COMMD1: variants seen among roughly 807,000 people sequenced by gnomAD.
The protein encoded by COMMD1 is COMM domain-containing protein 1.
Under a neutral mutation model 17.2 loss-of-function variants are expected in COMMD1, and 10 were observed. That is an observed-to-expected ratio of 0.58 (90% confidence interval 0.36 to 0.99). COMMD1 has a LOEUF of 0.99. Among genes scored for constraint, COMMD1 ranks in the 50% least tolerant of loss-of-function variants. The probability of loss-of-function intolerance (pLI) is 0.01; values close to 1 mark genes in which losing one functional copy is unlikely to be tolerated. For synonymous variants in COMMD1, 97 were observed against 91.6 expected, an observed-to-expected ratio of 1.06 and a Z score of -0.34; for missense variants, 270 against 231.8, an observed-to-expected ratio of 1.17 and a Z score of -1.07.
chr2:61,954,398 C>T (rs367644296), intron 1 of COMMD1, among the ~76,000 whole-genome samples: 43 of 152,144 alleles, frequency 2.8e-4, no homozygotes, highest in African/African-American at 9.9e-4. Context: ...TTACATTTTG[C>T]ATTTTTCCCT....
intron 1 of COMMD1, among the ~76,000 whole-genome samples, chr2:61,891,398 A>G (rs1669426749): frequency 6.6e-6 from 1 of 152,218 alleles, no homozygotes; most frequent in Non-Finnish European, 1.5e-5. Flanking sequence ...CAGAGTGTTA[A>G]TGTACATTAT....
intron 1 of COMMD1, among the ~76,000 whole-genome samples, chr2:61,915,185 T>G (rs1038207360): frequency 2.6e-5 from 4 of 152,060 alleles, no homozygotes; most frequent in African/African-American, 9.7e-5. Context: ...TTTGTATTTT[T>G]AGTAGAGATG....
intron 2 of COMMD1, among the ~76,000 whole-genome samples, chr2:62,004,598 G>A (rs989249518): frequency 1.7e-4 from 26 of 152,022 alleles, no homozygotes; most frequent in Admixed American, 1.6e-3. Flanking sequence ...CACCGCGCCC[G>A]GCCTATAAAA....
At chr2:61,898,276 G>C (rs1669592209) in intron 1 of COMMD1, among the ~76,000 whole-genome samples, 1 of 152,148 alleles carries the variant, frequency 6.6e-6, no homozygotes, top group African/African-American at 2.4e-5. Context: ...AGGAGGTGGA[G>C]ACCAGACTGG....
At chr2:61,990,973 C>T (rs190305380) in intron 1 of COMMD1, among the ~76,000 whole-genome samples, 260 of 149,744 alleles carry the variant, frequency 1.7e-3, no homozygotes, top group African/African-American at 5.4e-3. Flanking sequence ...TGCTTGTAGT[C>T]CCAGCTACTC....
At chr2:61,964,341 C>G (rs1464195986) in intron 1 of COMMD1, among the ~76,000 whole-genome samples, 2 of 152,108 alleles carry the variant, frequency 1.3e-5, no homozygotes, top group African/African-American at 4.8e-5. Context: ...CCATCTCATA[C>G]TCTCTAGTAA....
In COMMD1 at chr2:62,070,563, A is replaced by AC. The variant is rs11450265; in HGVS notation, c.463-65268_463-65267insC. Among the ~76,000 whole-genome samples the AC allele has an allele frequency of 4.0e-5, 6 of 151,480 alleles. No homozygotes were observed. In the East Asian group the frequency reaches 7.7e-4, roughly 20 times the overall value. On this transcript the variant is annotated intron_variant, in intron 2 of 2. Transcript: ENST00000311832. ...ACCCTGTCTCTAAAAAAAAAAAAAA[A>AC]ACAACTAAAAGATAAAAGAAAAGGA...
chr2:62,021,637 C>G (rs1001235776), intron 2 of COMMD1, among the ~76,000 whole-genome samples: 2 of 152,096 alleles, frequency 1.3e-5, no homozygotes, highest in African/African-American at 4.8e-5. Flanking sequence ...CTCTTTGAGT[C>G]AAGCAGATTA....
intron 1 of COMMD1, among the ~76,000 whole-genome samples, chr2:61,897,938 C>G (rs982849500): frequency 2.6e-5 from 4 of 152,116 alleles, no homozygotes; most frequent in African/African-American, 9.7e-5. Flanking sequence ...TCATCTGCAG[C>G]ATATTCTGAT....
At chr2:62,102,218 G>A (rs1351279920) in intron 2 of COMMD1, among the ~76,000 whole-genome samples, 1 of 152,094 alleles carries the variant, frequency 6.6e-6, no homozygotes, top group African/African-American at 2.4e-5. Flanking sequence ...ATCTCACGTT[G>A]ACTATAAATC....
At chr2:62,067,649 A>C (rs1558584930) in intron 2 of COMMD1, among the ~76,000 whole-genome samples, 2 of 152,228 alleles carry the variant, frequency 1.3e-5, no homozygotes, top group Admixed American at 6.5e-5. Context: ...GTTATTTAGA[A>C]GTATGATTGG....
chr2:62,089,064 A>G (rs1671751180), intron 2 of COMMD1, among the ~76,000 whole-genome samples: 1 of 152,186 alleles, frequency 6.6e-6, no homozygotes, highest in Non-Finnish European at 1.5e-5. Context: ...AAGATTGTGG[A>G]GACCAAGGTT....
chr2:61,979,092 C>T (rs1224575004), intron 1 of COMMD1, among the ~76,000 whole-genome samples: 2 of 152,042 alleles, frequency 1.3e-5, no homozygotes, highest in African/African-American at 2.4e-5. Context: ...ATTAGTGATC[C>T]CCACTTCCAC....
intron 2 of COMMD1, among the ~76,000 whole-genome samples, chr2:62,092,155 A>T (rs1447050377): frequency 6.6e-6 from 1 of 152,218 alleles, no homozygotes; most frequent in Non-Finnish European, 1.5e-5. Flanking sequence ...GAACAAGTAA[A>T]ACAGTTTCCT....
chr2:62,055,768 A>T (rs987328362), intron 2 of COMMD1, among the ~76,000 whole-genome samples: 3 of 152,230 alleles, frequency 2.0e-5, no homozygotes, highest in African/African-American at 7.2e-5. Flanking sequence ...GAGAGGACAC[A>T]GTTCAGAAGG....
intron 2 of COMMD1, among the ~76,000 whole-genome samples, chr2:62,115,831 T>C (rs542232236): frequency 7.9e-6 from 1 of 127,202 alleles, no homozygotes; most frequent in Non-Finnish European, 1.7e-5. Context: ...GTGGGTTTTT[T>C]TTTTCTTTCT....
At chr2:61,970,964 G>A (rs903679746) in intron 1 of COMMD1, among the ~76,000 whole-genome samples, 2 of 152,162 alleles carry the variant, frequency 1.3e-5, no homozygotes, top group African/African-American at 4.8e-5. Flanking sequence ...CTTCAGTACA[G>A]TGGTGCGATC....
chr2:62,032,264 G>A (rs1274379113), intron 2 of COMMD1, among the ~76,000 whole-genome samples: 2 of 152,144 alleles, frequency 1.3e-5, no homozygotes, highest in Non-Finnish European at 2.9e-5. Context: ...GACCAGGTGT[G>A]GTGGCTCACA....
At chr2:61,932,658 G>A (rs763279947) in intron 1 of COMMD1, among the ~76,000 whole-genome samples, 10 of 152,228 alleles carry the variant, frequency 6.6e-5, no homozygotes, top group Non-Finnish European at 4.4e-5. Flanking sequence ...GTCATGGTAA[G>A]ATGGGATAAT....
Sources: gnomAD v4.1 joint callset for allele counts (sites outside exome capture counted in the v4.1 genomes callset) on GRCh38, gnomAD v4.1.1 for gene constraint, MANE v1.5 for transcripts, NCBI Gene and HGNC (gene_info 2026-07-23, HGNC 2026-07-21) for gene names.